The following RUNX3 variants were observed in gnomAD, a reference collection of about 807,000 sequenced individuals.
RUNX3 encodes RUNX family transcription factor 3.
A neutral mutation model predicts 27.7 loss-of-function variants in RUNX3; 10 were observed. The ratio of observed to expected loss-of-function variants is 0.36; its 90% CI spans 0.22 to 0.61. RUNX3 has a LOEUF of 0.61. Among genes scored for constraint, RUNX3 ranks in the 20% least tolerant of loss-of-function variants. RUNX3 has a pLI of 0.72. For missense variants in RUNX3, 469 were observed against 629.5 expected (o/e 0.75, Z 2.73); for synonymous variants, 270 against 269.2 (o/e 1.00, Z -0.03).
Position 24,900,264 on chromosome 1 carries a change from T to C in RUNX3, c.*1858A>G, listed in dbSNP as rs1640511651. 6.6e-6 allele frequency: 1 copy of C among 152,188 alleles called. No individual in the cohort carries two copies. The highest frequency in any genetic ancestry group is 1.5e-5 in the Non-Finnish European group (1 of 68,048). 9.4% of individuals were successfully genotyped at this position (152,188 alleles called of 1,614,324 possible). On this transcript the variant is annotated 3_prime_UTR_variant, in exon 5 of 5. Transcript: ENST00000308873. ...CAAGAGAAACCGCAGCAGGAGGGAA[T>C]GGAATAGGATCACCAGAAGGACTGC...
intron 4 of RUNX3, among the ~76,000 whole-genome samples, chr1:24,905,972 T>G (rs1035314008): frequency 2.0e-5 from 3 of 152,232 alleles, no homozygotes; most frequent in Non-Finnish European, 4.4e-5. Flanking sequence ...TCAGAGAGGC[T>G]GGGCCTGGGG....
intron 2 of RUNX3, among the ~76,000 whole-genome samples, chr1:24,942,180 G>A (rs1199589098): frequency 6.6e-6 from 1 of 152,106 alleles, no homozygotes. Flanking sequence ...GATGAGGGGG[G>A]GAGATGAGAT....
At chr1:24,907,476 A>G in intron 3 of RUNX3, 59 bp from the exon 4 acceptor site, 1 of 1,527,142 alleles carries the variant, frequency 6.5e-7, no homozygotes, top group Non-Finnish European at 8.9e-7. Flanking sequence ...TGGAGACAGA[A>G]ATGCCTCACT....
chr1:24,938,197 C>T (rs1400768386), intron 2 of RUNX3, among the ~76,000 whole-genome samples: 1 of 152,224 alleles, frequency 6.6e-6, no homozygotes, highest in Non-Finnish European at 1.5e-5. Flanking sequence ...GCTGGGTAAC[C>T]TTGAGCAAGT....
At chr1:24,952,612 G>T (rs1006649056) in intron 2 of RUNX3, among the ~76,000 whole-genome samples, 2 of 152,174 alleles carry the variant, frequency 1.3e-5, no homozygotes, top group Admixed American at 1.3e-4. Context: ...ACACCCTCTC[G>T]CAGGGATGAG....
At chr1:24,955,531 A>G (rs1641894367) in intron 2 of RUNX3, among the ~76,000 whole-genome samples, 1 of 152,214 alleles carries the variant, frequency 6.6e-6, no homozygotes, top group Admixed American at 6.5e-5. Context: ...CAGGAGGCCA[A>G]GATTCTGCAT....
chr1:24,935,107 A>C (rs1403847988), upstream of RUNX3, among the ~76,000 whole-genome samples: 1 of 152,218 alleles, frequency 6.6e-6, no homozygotes, highest in African/African-American at 2.4e-5. Flanking sequence ...AATGAGCTCC[A>C]GCAAGGCCAG....
At chr1:24,938,354 G>A (rs759669281) in intron 2 of RUNX3, among the ~76,000 whole-genome samples, 127 of 152,230 alleles carry the variant, frequency 8.3e-4, no homozygotes, top group Middle Eastern at 6.8e-3. Context: ...TCTAATAGCT[G>A]GGGAAACCGA....
intron 4 of RUNX3, among the ~76,000 whole-genome samples, chr1:24,905,476 G>A (rs1487831950): frequency 6.6e-6 from 1 of 152,210 alleles, no homozygotes; most frequent in East Asian, 1.9e-4. Flanking sequence ...CCAGTGCTGT[G>A]GGGGGCTAGC....
At chr1:24,936,513 G>A (rs529950769) in intron 2 of RUNX3, among the ~76,000 whole-genome samples, 4 of 152,200 alleles carry the variant, frequency 2.6e-5, no homozygotes, top group Non-Finnish European at 5.9e-5. Flanking sequence ...TGTCAGACTC[G>A]AAAGGGCTCT....
chr1:24,950,527 C>CT (rs1383193736), intron 2 of RUNX3, among the ~76,000 whole-genome samples: 2 of 152,244 alleles, frequency 1.3e-5, no homozygotes, highest in Non-Finnish European at 2.9e-5. Context: ...AATATGGCAA[C>CT]TGCTGAGCGT....
At chr1:24,938,047 A>G (rs1476457081) in intron 2 of RUNX3, among the ~76,000 whole-genome samples, 1 of 152,234 alleles carries the variant, frequency 6.6e-6, no homozygotes, top group East Asian at 1.9e-4. Flanking sequence ...TGGCACCTTG[A>G]TAAACTCAAA....
Position 24,964,592 on chromosome 1 carries a change from A to G in RUNX3, c.-21T>C, listed in dbSNP as rs774428825. 4.1e-5 allele frequency: 65 copies of G among 1,603,050 alleles called. No individual in the cohort carries two copies. The South Asian group carries it at 5.7e-4, about 14-fold the overall frequency. On this transcript the variant is annotated 5_prime_UTR_variant, in exon 2 of 7. Transcript: ENST00000338888. ...GCCATGCCCCGCTCTGAAGAAGGCG[A>G]GAATTTTCAGCCCTTCAGGGGGTTG... is the stretch of plus-strand genomic sequence containing the variant.
intron 2 of RUNX3, chr1:24,961,521 T>C (rs971275578): frequency 2.6e-5 from 4 of 152,154 alleles, no homozygotes; most frequent in African/African-American, 9.7e-5. Context: ...GATCCAGAGA[T>C]GTCAAGTGAC....
intron 1 of RUNX3, chr1:24,929,012 G>C (rs960639957): frequency 4.2e-5 from 19 of 456,806 alleles, no homozygotes; most frequent in Non-Finnish European, 6.6e-5. Context: ...GGGCTGCCAG[G>C]GTTAGGGGTC....
Position 24,929,723 on chromosome 1 carries a change from C to G in RUNX3, c.146G>C (p.Arg49Pro). ...GTCCACCATCGAGCGCACCTCGGGC[C>G]GGGCGCGCCCTCCGGGCCCCACGGC... ...QAAVGPGGRA[R>P]PEVRSMVDVL... The change falls in exon 1 of 5, where the codon CGG becomes CCG. Residue 49 changes from arginine (R) to proline (P), a missense_variant. Arg to Pro is a moderately radical substitution (Grantham distance 103, BLOSUM62 -2). Coordinates refer to ENST00000308873, the MANE Select transcript of RUNX3 (RefSeq NM_004350.3). The G allele has an allele frequency of 6.6e-7, 1 of 1,511,846 alleles. No individual in the cohort carries two copies. The highest frequency in any genetic ancestry group is 1.3e-5 in the South Asian group (1 of 79,734). The allele number at this position is 1,511,846 out of a possible 1,614,324, so 93.7% of individuals were successfully genotyped here. A position where few individuals can be genotyped will look rare whatever the true frequency, so the allele number is the denominator to read the frequency against.
At chr1:24,908,009 AACACGCGGTGATCCG>A (rs1640705682) in intron 3 of RUNX3, among the ~76,000 whole-genome samples, 23 of 138,736 alleles carry the variant, frequency 1.7e-4, no homozygotes, top group Admixed American at 1.3e-3. Flanking sequence ...AAACCTCTAC[AACACGCGGTGATCCG>A]AACCTCAACC....
chr1:24,926,921 C>A (rs1286166598), intron 2 of RUNX3, among the ~76,000 whole-genome samples: 1 of 151,984 alleles, frequency 6.6e-6, no homozygotes, highest in East Asian at 1.9e-4. Flanking sequence ...TCCCATTCAA[C>A]AGCCCCCCAC....
chr1:24,925,700 G>A (rs920772992), intron 2 of RUNX3, among the ~76,000 whole-genome samples: 10 of 152,090 alleles, frequency 6.6e-5, no homozygotes, highest in African/African-American at 2.4e-4. Context: ...TCAGACATCG[G>A]AACTCCTCCT....
Sources: allele counts gnomAD v4.1 joint callset (sites outside exome capture counted in the v4.1 genomes callset), GRCh38; gene constraint gnomAD v4.1.1; transcripts MANE v1.5; gene names NCBI Gene and HGNC (gene_info 2026-07-23, HGNC 2026-07-21).